The following GRM1 variants were observed in gnomAD, a reference collection of about 807,000 sequenced individuals.
The protein encoded by GRM1 is metabotropic glutamate receptor 1.
In GRM1, 33 loss-of-function variants were observed where a neutral mutation model predicts 90.9. The observed-to-expected ratio is 0.36, with a 90% CI of 0.28 to 0.49. The LOEUF (loss-of-function observed/expected upper bound fraction) is 0.49. GRM1 is among the 20% of genes least tolerant of loss of function. GRM1 has a pLI of 0.99. For synonymous variants in GRM1, 700 were observed against 613.2 expected, an observed-to-expected ratio of 1.14 and a Z score of -2.09; for missense variants, 1,190 against 1,534.3, an observed-to-expected ratio of 0.78 and a Z score of 3.75.
intron 2 of GRM1, among the ~76,000 whole-genome samples, chr6:146,279,647 T>C (rs2114850127): frequency 6.6e-6 from 1 of 152,306 alleles, no homozygotes; most frequent in Middle Eastern, 3.4e-3. Context: ...TTTTTATGTT[T>C]AATTCTGTTG....
intron 2 of GRM1, among the ~76,000 whole-genome samples, chr6:146,298,067 G>T (rs1783244666): frequency 6.6e-6 from 1 of 152,130 alleles, no homozygotes; most frequent in South Asian, 2.1e-4. Flanking sequence ...GCCCAGCCAG[G>T]CATGATTGCC....
chr6:146,223,057 T>C (rs1780125226), intron 2 of GRM1, among the ~76,000 whole-genome samples: 1 of 152,042 alleles, frequency 6.6e-6, no homozygotes, highest in South Asian at 2.1e-4. Flanking sequence ...GTCTCTCTAT[T>C]ATCTGGCCAG....
intron 2 of GRM1, among the ~76,000 whole-genome samples, chr6:146,225,684 A>G (rs1780215995): frequency 6.6e-6 from 1 of 152,172 alleles, no homozygotes; most frequent in South Asian, 2.1e-4. Context: ...TTAATAATGA[A>G]AATAAATTTA....
intron 2 of GRM1, among the ~76,000 whole-genome samples, chr6:146,269,978 A>C (rs963616806): frequency 1.5e-4 from 22 of 151,412 alleles, no homozygotes; most frequent in Non-Finnish European, 3.1e-4. Context: ...AAAAAAAAAA[A>C]CAAGAAATGG....
chr6:146,318,366 A>G (rs1485430604), intron 3 of GRM1, among the ~76,000 whole-genome samples: 1 of 152,176 alleles, frequency 6.6e-6, no homozygotes, highest in Non-Finnish European at 1.5e-5. Context: ...GTATTCAATT[A>G]TGTATATGTG....
chr6:146,334,721 GTGCT>G (rs1462137359), intron 3 of GRM1, among the ~76,000 whole-genome samples: 1 of 152,172 alleles, frequency 6.6e-6, no homozygotes, highest in African/African-American at 2.4e-5. Context: ...CAGAGAAAGT[GTGCT>G]TACTGTAACA....
chr6:146,338,646 T>TA (rs1784862120), intron 3 of GRM1, among the ~76,000 whole-genome samples: 1 of 152,214 alleles, frequency 6.6e-6, no homozygotes, highest in Non-Finnish European at 1.5e-5. Flanking sequence ...CCCTTTGACT[T>TA]ATTGCTTCAA....
intron 1 of GRM1, among the ~76,000 whole-genome samples, chr6:146,149,685 A>G (rs1250005234): frequency 6.6e-6 from 1 of 152,188 alleles, no homozygotes; most frequent in African/African-American, 2.4e-5. Context: ...ATTTAGCTGT[A>G]AGGCACAATG....
intron 2 of GRM1, among the ~76,000 whole-genome samples, chr6:146,248,860 T>G (rs1781168186): frequency 1.3e-5 from 2 of 152,194 alleles, no homozygotes; most frequent in Non-Finnish European, 2.9e-5. Flanking sequence ...GGAGATGGTC[T>G]CAGATGGAGA....
intron 1 of GRM1, among the ~76,000 whole-genome samples, chr6:146,080,820 A>G (rs933173096): frequency 6.6e-6 from 1 of 152,256 alleles, no homozygotes; most frequent in Non-Finnish European, 1.5e-5. Flanking sequence ...GACAAGGCTT[A>G]GATAATTTCA....
chr6:146,065,157 T>C (rs560966277), intron 1 of GRM1, among the ~76,000 whole-genome samples: 1 of 152,332 alleles, frequency 6.6e-6, no homozygotes, highest in South Asian at 2.1e-4. Context: ...GAAAGCCTTC[T>C]TAATGTGTAC....
At chr6:146,363,145 A>G (rs1775553836) in intron 5 of GRM1, among the ~76,000 whole-genome samples, 1 of 152,182 alleles carries the variant, frequency 6.6e-6, no homozygotes, top group Non-Finnish European at 1.5e-5. Context: ...CTTCTTTAAA[A>G]AAATTAAATT....
intron 2 of GRM1, among the ~76,000 whole-genome samples, chr6:146,280,852 T>C (rs939414880): frequency 2.0e-5 from 3 of 152,028 alleles, no homozygotes; most frequent in African/African-American, 7.3e-5. Context: ...GGTCTTGAAC[T>C]CCTGGCCTCA....
At chr6:146,392,257 A>G (rs533518305) in intron 6 of GRM1, among the ~76,000 whole-genome samples, 30 of 152,254 alleles carry the variant, frequency 2.0e-4, no homozygotes, top group African/African-American at 6.5e-4. Context: ...CCCAAAGCCA[A>G]TATTCATGGT....
intron 1 of GRM1, among the ~76,000 whole-genome samples, chr6:146,081,619 G>A (rs1408161477): frequency 6.6e-6 from 1 of 152,112 alleles, no homozygotes; most frequent in African/African-American, 2.4e-5. Context: ...TTGAGCTTTT[G>A]GTAAGTAAGT....
chr6:146,267,614 G>A (rs1332875753), intron 2 of GRM1, among the ~76,000 whole-genome samples: 1 of 145,878 alleles, frequency 6.9e-6, no homozygotes, highest in Non-Finnish European at 1.5e-5. Context: ...AAAGATGTAG[G>A]CTGGGAGGCT....
chr6:146,310,971 C>A (rs564719931), intron 3 of GRM1, among the ~76,000 whole-genome samples: 1 of 152,138 alleles, frequency 6.6e-6, no homozygotes, highest in African/African-American at 2.4e-5. Context: ...GTTTGTTATG[C>A]GGCTTTTTTG....
intron 7 of GRM1, among the ~76,000 whole-genome samples, chr6:146,404,250 T>C (rs1402130139): frequency 1.3e-5 from 2 of 152,152 alleles, no homozygotes; most frequent in Non-Finnish European, 2.9e-5. Flanking sequence ...CATTCATTCA[T>C]TTATGTAATC....
chr6:146,271,492 C>T (rs780630815), intron 2 of GRM1, among the ~76,000 whole-genome samples: 2 of 152,072 alleles, frequency 1.3e-5, no homozygotes, highest in Non-Finnish European at 2.9e-5. Flanking sequence ...ACAAAGGGGC[C>T]TCTGAGGGAA....
Sources: allele counts gnomAD v4.1 joint callset (sites outside exome capture counted in the v4.1 genomes callset), GRCh38; gene constraint gnomAD v4.1.1; transcripts MANE v1.5; gene names NCBI Gene and HGNC (gene_info 2026-07-23, HGNC 2026-07-21).